LRIT3: variants seen among roughly 807,000 people sequenced by gnomAD.
LRIT3 encodes leucine rich repeat, Ig-like and transmembrane domains 3.
A neutral mutation model predicts 22.6 loss-of-function variants in LRIT3; 14 were observed. The ratio of observed to expected loss-of-function variants is 0.62; its 90% CI spans 0.41 to 0.97. LRIT3 has a LOEUF of 0.97. Among genes scored for constraint, LRIT3 ranks in the 50% least tolerant of loss-of-function variants. The pLI is 0.00. For synonymous variants in LRIT3, 306 were observed against 304.5 expected (o/e 1.01, Z -0.05); for missense variants, 783 against 803.0 (o/e 0.98, Z 0.30).
chr4:109,861,702 A>T (rs1734549961), intron 2 of LRIT3, among the ~76,000 whole-genome samples: 1 of 152,002 alleles, frequency 6.6e-6, no homozygotes, highest in African/African-American at 2.4e-5. Context: ...TTTGTCTGTT[A>T]TATGCACTGT....
rs375763532 is a variant in LRIT3, at chr4:109,861,042, A to G, written c.590-6599A>G. Reference sequence around the variant, plus strand: ...ACATGTTTTCATTTCATTATCTTGGATAAATTCCTAGAATTGAAATTGCTG... The same window carrying G: ...ACATGTTTTCATTTCATTATCTTGGGTAAATTCCTAGAATTGAAATTGCTG... On this transcript the variant is annotated intron_variant, in intron 2 of 3. Transcript: ENST00000594814. Among the ~76,000 whole-genome samples the G allele has an allele frequency of 4.1e-4, 62 of 152,332 alleles. No individual in the cohort carries two copies. In the East Asian group the frequency reaches 6.4e-3, roughly 16 times the overall value.
Position 109,867,931 on chromosome 4 carries a change from C to T in LRIT3, c.880C>T (p.Pro294Ser), listed in dbSNP as rs762538978. Residue 294 changes from proline to serine, a missense_variant, in exon 3 of 4, where the codon CCA becomes TCA. Pro to Ser is a moderately conservative substitution (Grantham distance 74). This residue lies in a region of LRIT3 where 756 missense variants were observed against 753.8 expected (regional missense o/e 1.00). Coordinates refer to ENST00000594814, the MANE Select transcript of LRIT3 (RefSeq NM_198506.5). ...QITWTRSDSS[P>S]VNYTVIQESP... The stretch of plus-strand genomic sequence containing the variant: ...CACATGGACCAGATCTGACAGCTCG[C>T]CAGTTAATTATACAGGTATTTTCTT... The T allele has an allele frequency of 3.1e-6, 5 of 1,610,018 alleles. No homozygotes were observed. In the South Asian group the frequency reaches 4.4e-5, roughly 14 times the overall value.
rs144380172 is a variant in LRIT3 at position 109,856,834 on chromosome 4, G to A, written c.589+4858G>A. Among the ~76,000 whole-genome samples the A allele has an allele frequency of 2.8e-3, 431 of 152,072 alleles. 3 individuals are homozygous for A. The highest frequency in any genetic ancestry group is 0.011 in the South Asian group (54 of 4,808). On this transcript the variant is annotated intron_variant, in intron 2 of 3. Transcript: ENST00000594814. ...AATAGAATTTTTTTGCCATTTATCCGCAAAATGAGCAGTTTGAATAGATTG... is the reference window on the plus strand; with the variant it reads ...AATAGAATTTTTTTGCCATTTATCCACAAAATGAGCAGTTTGAATAGATTG...
chr4:109,863,247 T>G (rs1734592998), intron 2 of LRIT3, among the ~76,000 whole-genome samples: 1 of 152,190 alleles, frequency 6.6e-6, no homozygotes, highest in Non-Finnish European at 1.5e-5. Context: ...GTTAAGAGCT[T>G]TAACCACTGT....
chr4:109,864,273 C>A (rs1734624552), intron 2 of LRIT3, among the ~76,000 whole-genome samples: 1 of 152,002 alleles, frequency 6.6e-6, no homozygotes. Context: ...TTGTTTTTAT[C>A]TAACTTAAAA....
rs911750578 is a variant in LRIT3, at chr4:109,851,317, G to C, written c.117-187G>C. 3 of 680,164 alleles carry C rather than the reference G, an allele frequency of 4.4e-6. No individual in the cohort carries two copies. The African/African-American group carries it at 5.4e-5, about 12-fold the overall frequency. The allele number at this position is 680,164 out of a possible 1,614,324, so 42.1% of individuals were successfully genotyped here. ...TGAAGTGGTTTTCCATGGCCACAGA[G>C]GAGGTGGCAAACCTTAGACCTTGGT... On this transcript the variant is annotated intron_variant, in intron 1 of 3. Transcript: ENST00000594814.
At position 109,870,296 on chromosome 4, in the gene LRIT3, C is replaced by G. The variant is rs770255011; in HGVS notation, c.1547C>G (p.Thr516Ser). ...MINTTHNSAV[T>S]VLYSKYGGKD... ...AACACCACACATAACTCTGCAGTGA[C>G]TGTGTTGTATTCCAAGTATGGTGGG... Residue 516 changes from threonine (T) to serine (S), a missense_variant, in exon 4 of 4, where the codon ACT becomes AGT. Physicochemically the swap from Thr to Ser is moderately conservative, Grantham distance 58. Around this residue, in one of 2 missense-constraint regions of LRIT3, gnomAD observed 756 missense variants for 753.8 expected, o/e 1.00. Transcript: ENST00000594814. The G allele has an allele frequency of 6.2e-7, 1 of 1,614,178 alleles. No individual in the cohort carries two copies. Among genetic ancestry groups the G allele is most frequent in the South Asian group, 1.1e-5 (1 of 91,076 alleles).
chr4:109,865,334 C>T, intron 2 of LRIT3: 6 of 1,579,610 alleles, frequency 3.8e-6, no homozygotes, highest in South Asian at 1.1e-5. Context: ...TAAATCTGGC[C>T]TTCACATATC....
intron 2 of LRIT3, chr4:109,865,339 C>T: frequency 1.3e-6 from 2 of 1,565,248 alleles, no homozygotes; most frequent in Non-Finnish European, 1.8e-6. Context: ...CTGGCCTTCA[C>T]ATATCAGGTC....
Position 109,867,899 on chromosome 4 carries a change from C to T in LRIT3, c.848C>T (p.Pro283Leu), listed in dbSNP as rs886058985. 9.3e-6 allele frequency: 15 copies of T among 1,613,750 alleles called. No individual in the cohort carries two copies. Among genetic ancestry groups the T allele is most frequent in the Non-Finnish European group, 1.3e-5 (15 of 1,180,000 alleles). ...TGTGATGCCACTGGCTTCCCCACCC[C>T]ACAGATCACATGGACCAGATCTGAC... ...LRCDATGFPT[P>L]QITWTRSDSS... The change falls in exon 3 of 4, where the codon CCA becomes CTA. Residue 283 changes from proline (P) to leucine (L), a missense_variant. Physicochemically the swap from Pro to Leu is moderately conservative, Grantham distance 98. Coordinates refer to ENST00000594814, the MANE Select transcript of LRIT3 (RefSeq NM_198506.5).
intron 2 of LRIT3, among the ~76,000 whole-genome samples, chr4:109,867,297 G>A (rs1336043028): frequency 6.6e-6 from 1 of 152,106 alleles, no homozygotes; most frequent in Non-Finnish European, 1.5e-5. Flanking sequence ...GATAGATGAA[G>A]TCTGAGCTTC....
chr4:109,859,992 T>G (rs1011385851), intron 2 of LRIT3, among the ~76,000 whole-genome samples: 8 of 152,210 alleles, frequency 5.3e-5, no homozygotes, highest in Admixed American at 5.2e-4. Context: ...AAACATCAAC[T>G]TAGTAAAATT....
At chr4:109,854,337 C>T (rs1579373698) in intron 2 of LRIT3, among the ~76,000 whole-genome samples, 1 of 151,150 alleles carries the variant, frequency 6.6e-6, no homozygotes, top group East Asian at 1.9e-4. Flanking sequence ...GTATTTTATT[C>T]TCTTTTTACC....
chr4:109,863,930 A>G (rs991739311), intron 2 of LRIT3, among the ~76,000 whole-genome samples: 21 of 152,222 alleles, frequency 1.4e-4, no homozygotes, highest in African/African-American at 5.1e-4. Context: ...TTTGCCACAT[A>G]GGAAGCAATC....
In LRIT3 at chr4:109,866,872, C is replaced by A. The variant is rs116384554; in HGVS notation, c.590-769C>A. On this transcript the variant is annotated intron_variant, in intron 2 of 3. Coordinates refer to ENST00000594814, the MANE Select transcript of LRIT3 (RefSeq NM_198506.5). ...TTGCAACTGGAAGCTGTCCGCTAAC[C>A]GCATTGCTTGCAGCTGATTCTCTCT... Among the ~76,000 whole-genome samples, 735 of 152,258 alleles carry A rather than the reference C, an allele frequency of 4.8e-3. 1 individual carries two copies. Among genetic ancestry groups the A allele is most frequent in the African/African-American group, 0.016 (652 of 41,546 alleles).
intron 2 of LRIT3, among the ~76,000 whole-genome samples, chr4:109,857,503 A>G (rs368654632): frequency 1.2e-4 from 19 of 152,292 alleles, no homozygotes; most frequent in East Asian, 7.7e-4. Context: ...TCTCATACCA[A>G]TCATAGCTAT....
intron 2 of LRIT3, among the ~76,000 whole-genome samples, chr4:109,856,953 T>C (rs894808838): frequency 1.3e-5 from 2 of 152,138 alleles, no homozygotes; most frequent in African/African-American, 2.4e-5. Context: ...GTTTACTCCT[T>C]TTAAGAATTT....
chr4:109,850,402 C>CTTTCTTTCTCTTTCTTTCTTTCTTTCTTT (rs1560588814), intron 1 of LRIT3, among the ~76,000 whole-genome samples: 3 of 766 alleles, frequency 3.9e-3, no homozygotes, highest in African/African-American at 5.8e-3. Flanking sequence ...TTCCTTCCTT[C>CTTTCTTTCTCTTTCTTTCTTTCTTTCTTT]CTTCCTTCCT....
rs1734819276 is a variant in LRIT3, at chr4:109,870,889, A to G, written c.*100A>G. 8.2e-7 allele frequency: 1 copy of G among 1,224,892 alleles called. No homozygotes were observed. Among genetic ancestry groups the G allele is most frequent in the Non-Finnish European group, 1.1e-6 (1 of 897,834 alleles). The allele number at this position is 1,224,892 out of a possible 1,614,324, so 75.9% of individuals were successfully genotyped here. On this transcript the variant is annotated 3_prime_UTR_variant, in exon 4 of 4. Transcript: ENST00000594814. ...TTTTGGACAGACTTTCACATTGTAC[A>G]TGAAAATCACAAATGGAATGCTTTT...
Sources: gnomAD v4.1 joint callset for allele counts (sites outside exome capture counted in the v4.1 genomes callset) on GRCh38, gnomAD v4.1.1 for gene constraint, gnomAD v4.1.1 regional missense constraint, MANE v1.5 for transcripts, NCBI Gene and HGNC (gene_info 2026-07-23, HGNC 2026-07-21) for gene names.